CTNNA3: variants seen among roughly 807,000 people sequenced by gnomAD.
The protein encoded by CTNNA3 is catenin alpha-3.
Under a neutral mutation model 95.7 loss-of-function variants are expected in CTNNA3, and 76 were observed. The ratio of observed to expected loss-of-function variants is 0.79; its 90% confidence interval spans 0.66 to 0.96. The LOEUF (loss-of-function observed/expected upper bound fraction) is 0.96, where lower values mean the gene tolerates loss of function less well. Ranked by LOEUF, CTNNA3 falls within the 40% of genes least tolerant of loss-of-function variation. The pLI is 0.00. For synonymous variants in CTNNA3, 431 were observed against 374.4 expected, an observed-to-expected ratio of 1.15 and a Z score of -1.74; for missense variants, 1,191 against 1,089.8, an observed-to-expected ratio of 1.09 and a Z score of -1.31.
intron 3 of CTNNA3, among the ~76,000 whole-genome samples, chr10:67,555,247 G>C (rs1164803585): frequency 1.3e-5 from 2 of 152,030 alleles, no homozygotes; most frequent in Admixed American, 6.6e-5. Context: ...GCTCTTTTTT[G>C]GTTCCATATG....
At chr10:65,987,370 C>T (rs1385743352) in intron 16 of CTNNA3, among the ~76,000 whole-genome samples, 1 of 151,738 alleles carries the variant, frequency 6.6e-6, no homozygotes, top group Non-Finnish European at 1.5e-5. Flanking sequence ...GGCAAATGAT[C>T]TGAATAGTCA....
At chr10:66,204,053 T>C (rs2087604417) in intron 13 of CTNNA3, among the ~76,000 whole-genome samples, 1 of 152,138 alleles carries the variant, frequency 6.6e-6, no homozygotes, top group Admixed American at 6.6e-5. Flanking sequence ...TTATTTTTAA[T>C]AAAGCTACCA....
chr10:66,161,241 T>A (rs1372105739), intron 13 of CTNNA3, among the ~76,000 whole-genome samples: 1 of 152,196 alleles, frequency 6.6e-6, no homozygotes, highest in Non-Finnish European at 1.5e-5. Context: ...TTGTGTACTT[T>A]GGATTTTTGG....
chr10:67,216,588 T>G (rs936431381), intron 6 of CTNNA3, among the ~76,000 whole-genome samples: 2 of 152,196 alleles, frequency 1.3e-5, no homozygotes, highest in Non-Finnish European at 2.9e-5. Flanking sequence ...TTATTCTAGG[T>G]GCTGGAGATA....
intron 5 of CTNNA3, among the ~76,000 whole-genome samples, chr10:67,255,924 T>C (rs1354765293): frequency 6.6e-6 from 1 of 152,090 alleles, no homozygotes; most frequent in Non-Finnish European, 1.5e-5. Context: ...CACCATGAGA[T>C]TTTTTTCTTA....
At chr10:66,350,777 T>C (rs533316017) in intron 12 of CTNNA3, among the ~76,000 whole-genome samples, 3 of 152,130 alleles carry the variant, frequency 2.0e-5, no homozygotes, top group African/African-American at 7.2e-5. Context: ...GAGTTTGGTC[T>C]TTGAGTATCC....
chr10:67,490,921 C>T (rs1169396105), intron 5 of CTNNA3, among the ~76,000 whole-genome samples: 2 of 152,080 alleles, frequency 1.3e-5, no homozygotes, highest in East Asian at 3.9e-4. Context: ...AAGAAAGCTA[C>T]TGAGGAAATA....
chr10:66,713,668 G>A (rs894718716), intron 9 of CTNNA3, among the ~76,000 whole-genome samples: 6 of 152,036 alleles, frequency 3.9e-5, no homozygotes, highest in African/African-American at 1.2e-4. Context: ...TGAACTCAGA[G>A]TAACCCAGAA....
At chr10:65,966,301 G>A (rs771880630) in intron 17 of CTNNA3, among the ~76,000 whole-genome samples, 4 of 152,086 alleles carry the variant, frequency 2.6e-5, no homozygotes, top group Non-Finnish European at 4.4e-5. Flanking sequence ...GATTCATTCC[G>A]GAGTTCCATC....
chr10:66,817,170 A>T (rs1028921890), intron 7 of CTNNA3, among the ~76,000 whole-genome samples: 7 of 152,016 alleles, frequency 4.6e-5, no homozygotes, highest in African/African-American at 1.7e-4. Flanking sequence ...ACCACGAAAG[A>T]ACTTATTCAT....
chr10:66,928,199 T>C, intron 7 of CTNNA3: 1 of 1,614,098 alleles, frequency 6.2e-7, no homozygotes, highest in East Asian at 2.2e-5. Context: ...GTGGCGCTTT[T>C]CCTGTCCGTG....
chr10:67,290,706 A>G (rs1839801863), intron 5 of CTNNA3, among the ~76,000 whole-genome samples: 1 of 152,150 alleles, frequency 6.6e-6, no homozygotes, highest in Admixed American at 6.6e-5. Context: ...CTGACTCCAG[A>G]GCTTCCTCCA....
At chr10:67,068,970 G>A (rs1856266898) in intron 7 of CTNNA3, among the ~76,000 whole-genome samples, 1 of 152,090 alleles carries the variant, frequency 6.6e-6, no homozygotes, top group Non-Finnish European at 1.5e-5. Flanking sequence ...TGAGGCAGGA[G>A]AATCACTTGA....
intron 13 of CTNNA3, among the ~76,000 whole-genome samples, chr10:66,168,019 C>T (rs958780846): frequency 2.6e-5 from 4 of 152,124 alleles, no homozygotes; most frequent in African/African-American, 9.7e-5. Context: ...TGGCCAATTG[C>T]CCTCCTTGTG....
At chr10:67,311,819 T>C (rs138089394) in intron 5 of CTNNA3, among the ~76,000 whole-genome samples, 57 of 152,288 alleles carry the variant, frequency 3.7e-4, no homozygotes, top group African/African-American at 1.3e-3. Context: ...GTAAATTTTA[T>C]TGAATACTGA....
At chr10:66,007,823 C>T (rs1465579515) in intron 15 of CTNNA3, among the ~76,000 whole-genome samples, 1 of 139,770 alleles carries the variant, frequency 7.2e-6, no homozygotes, top group Non-Finnish European at 1.6e-5. Flanking sequence ...CCCTCCCTTT[C>T]TTCCTTCCTT....
At chr10:67,180,947 A>G (rs537443077) in intron 6 of CTNNA3, among the ~76,000 whole-genome samples, 5 of 152,268 alleles carry the variant, frequency 3.3e-5, no homozygotes, top group African/African-American at 1.2e-4. Context: ...TTTATACAAT[A>G]TTTTCATGTA....
intron 12 of CTNNA3, among the ~76,000 whole-genome samples, chr10:66,370,074 G>A (rs185072404): frequency 3.2e-4 from 49 of 152,166 alleles, no homozygotes; most frequent in East Asian, 1.9e-4. Flanking sequence ...TTACACACTC[G>A]AATTCACATG....
chr10:66,517,999 C>T (rs1442604279), intron 11 of CTNNA3, among the ~76,000 whole-genome samples: 1 of 152,148 alleles, frequency 6.6e-6, no homozygotes, highest in African/African-American at 2.4e-5. Flanking sequence ...AAATATCCCT[C>T]TCCACATAGC....
Sources: gnomAD v4.1 joint callset for allele counts (sites outside exome capture counted in the v4.1 genomes callset) on GRCh38, gnomAD v4.1.1 for gene constraint, MANE v1.5 for transcripts, NCBI Gene and HGNC (gene_info 2026-07-23, HGNC 2026-07-21) for gene names.